Variants in RIMBP2 observed in about 807,000 individuals in gnomAD.
RIMBP2 encodes RIMS-binding protein 2.
A neutral mutation model predicts 118.6 loss-of-function variants in RIMBP2; 48 were observed. The observed-to-expected ratio is 0.40, with a 90% CI of 0.32 to 0.51. RIMBP2 has a LOEUF of 0.51. RIMBP2 is among the 20% of genes least tolerant of loss of function. The pLI, the probability that RIMBP2 is intolerant of heterozygous loss-of-function variation, is 0.41. For synonymous variants in RIMBP2, 762 were observed against 742.9 expected (o/e 1.03, Z -0.42); for missense variants, 1,551 against 1,768.3 (o/e 0.88, Z 2.20).
Position 130,442,506 on chromosome 12 carries a change from C to T in RIMBP2, c.846G>A (p.Leu282=), listed in dbSNP as rs1420931114. The change falls in exon 11 of 23, where the codon CTG becomes CTA. Residue 282 remains leucine, a synonymous_variant. Transcript: ENST00000690449. The surrounding 1 kb of genome is among the most constrained non-coding windows in gnomAD (Gnocchi z 6.9). ...CTATGTGGGTTGGGGAGTGGAGGTC[C>T]AGGATGTGCTCTCCCTCCAGGCCGA... ...SGIGLEGEHI[L]DLHSPTHIDA... The T allele has an allele frequency of 6.2e-7, 1 of 1,614,022 alleles. No homozygotes were observed. The highest frequency in any genetic ancestry group is 8.5e-7 in the Non-Finnish European group (1 of 1,180,026).
intron 15 of RIMBP2, chr12:130,427,949 A>G (rs2076904983): frequency 2.4e-6 from 1 of 420,184 alleles, no homozygotes; most frequent in Non-Finnish European, 4.1e-6. Context: ...AGGGTGCCAA[A>G]TAGATTCCTC....
intron 2 of RIMBP2, among the ~76,000 whole-genome samples, chr12:130,532,979 G>A (rs886963949): frequency 2.1e-5 from 3 of 143,326 alleles, no homozygotes; most frequent in Non-Finnish European, 3.1e-5. Flanking sequence ...TAGGAGTTAC[G>A]TCTAATGAGA....
At chr12:130,695,715 A>G (rs2065533438) in intron 1 of RIMBP2, among the ~76,000 whole-genome samples, 1 of 152,146 alleles carries the variant, frequency 6.6e-6, no homozygotes. Flanking sequence ...ATTGATCAAT[A>G]AGACTAGAGG....
intron 6 of RIMBP2, chr12:130,465,714 A>C (rs1402107735): frequency 1.3e-5 from 2 of 152,164 alleles, no homozygotes; most frequent in South Asian, 2.1e-4. Flanking sequence ...CCTGGGGTAA[A>C]GCGACTTCCT....
chr12:130,609,106 G>T (rs908856156), intron 2 of RIMBP2, among the ~76,000 whole-genome samples: 2 of 152,114 alleles, frequency 1.3e-5, no homozygotes, highest in East Asian at 1.9e-4. Flanking sequence ...CTGTATGGAG[G>T]TTCCTCAAAA....
chr12:130,616,808 T>C (rs866529142), intron 2 of RIMBP2, among the ~76,000 whole-genome samples: 2 of 152,176 alleles, frequency 1.3e-5, no homozygotes, highest in Non-Finnish European at 1.5e-5. Context: ...AGCAAAGAGT[T>C]TGGCCAGCAC....
intron 1 of RIMBP2, among the ~76,000 whole-genome samples, chr12:130,686,729 G>A (rs996281225): frequency 6.6e-6 from 1 of 152,208 alleles, no homozygotes; most frequent in Non-Finnish European, 1.5e-5. Context: ...CAACTCCCTC[G>A]ACAGGCGTGA....
At chr12:130,633,814 G>C (rs1417460777) in intron 1 of RIMBP2, 2 of 152,228 alleles carry the variant, frequency 1.3e-5, no homozygotes, top group African/African-American at 4.8e-5. Flanking sequence ...CAAGGCACCG[G>C]AGATTAGTGG....
At chr12:130,549,772 G>C (rs1001799665) in intron 2 of RIMBP2, among the ~76,000 whole-genome samples, 1 of 152,108 alleles carries the variant, frequency 6.6e-6, no homozygotes, top group African/African-American at 2.4e-5. Context: ...TGGGTACTTG[G>C]GTTGATTCCA....
At position 130,434,635 on chromosome 12, in the gene RIMBP2, A is replaced by G; in HGVS notation, c.2253+99T>C. On this transcript the variant is annotated intron_variant, in intron 14 of 22. Transcript: ENST00000690449. The surrounding 1 kb of genome is among the most constrained non-coding windows in gnomAD (Gnocchi z 5.7). ...CGTCTCCATCTCTCTCAGGGACCCA[A>G]GGGTAGCGGGGAAAGTGCCCATGTC... The G allele has an allele frequency of 4.5e-6, 6 of 1,326,396 alleles. No homozygotes were observed. The highest frequency in any genetic ancestry group is 1.5e-5 in the African/African-American group (1 of 67,204). 82.2% of individuals were successfully genotyped at this position (1,326,396 alleles called of 1,614,324 possible).
At chr12:130,417,616 C>T (rs58171601) in intron 17 of RIMBP2, among the ~76,000 whole-genome samples, 12,712 of 152,234 alleles carry the variant, frequency 0.084, 740 homozygotes, top group South Asian at 0.2. Context: ...AAACTCCTGA[C>T]GGGGCGCTAT....
At chr12:130,472,651 A>G (rs1205268755) in intron 5 of RIMBP2, among the ~76,000 whole-genome samples, 1 of 152,222 alleles carries the variant, frequency 6.6e-6, no homozygotes, top group Non-Finnish European at 1.5e-5. Context: ...GCAAGTGAAC[A>G]TTATCTTAAC....
At chr12:130,457,449 T>C (rs1433843868) in intron 6 of RIMBP2, among the ~76,000 whole-genome samples, 1 of 152,156 alleles carries the variant, frequency 6.6e-6, no homozygotes, top group Admixed American at 6.5e-5. Flanking sequence ...CTCTGACCCT[T>C]GTGGGCTTCC....
intron 1 of RIMBP2, among the ~76,000 whole-genome samples, chr12:130,694,247 C>T (rs2065469143): frequency 1.3e-5 from 2 of 152,282 alleles, no homozygotes; most frequent in East Asian, 1.9e-4. Flanking sequence ...AGGCCACTGC[C>T]CTCAACCAGG....
At chr12:130,521,418 A>G (rs984049299) in intron 2 of RIMBP2, among the ~76,000 whole-genome samples, 1 of 152,172 alleles carries the variant, frequency 6.6e-6, no homozygotes, top group Admixed American at 6.5e-5. Context: ...AGGAGGAGGA[A>G]GAGGAGGATT....
chr12:130,468,406 A>G (rs11060914), intron 6 of RIMBP2, among the ~76,000 whole-genome samples: 3,180 of 152,240 alleles, frequency 0.021, 90 homozygotes, highest in East Asian at 0.16. Context: ...CTGAGAAGCC[A>G]CTTTGCTCAC....
At chr12:130,664,402 C>CGCAT (rs2063792639) in intron 1 of RIMBP2, among the ~76,000 whole-genome samples, 3 of 86,292 alleles carry the variant, frequency 3.5e-5, no homozygotes, top group Non-Finnish European at 8.5e-5. Flanking sequence ...CACACACGCA[C>CGCAT]GCACGCACGC....
intron 19 of RIMBP2, among the ~76,000 whole-genome samples, chr12:130,410,135 G>A (rs1263755678): frequency 6.6e-6 from 1 of 152,210 alleles, no homozygotes; most frequent in Non-Finnish European, 1.5e-5. Context: ...GTGTTTCACT[G>A]ATGATGTTAA....
At chr12:130,691,648 A>G (rs1464910614) in intron 1 of RIMBP2, among the ~76,000 whole-genome samples, 2 of 152,286 alleles carry the variant, frequency 1.3e-5, no homozygotes, top group East Asian at 3.9e-4. Flanking sequence ...TCCAGCCTGG[A>G]CAAAAGAGCA....
Sources: gnomAD v4.1 joint callset for allele counts (sites outside exome capture counted in the v4.1 genomes callset) on GRCh38, gnomAD v4.1.1 for gene constraint, Gnocchi (gnomAD v3.1) non-coding constraint, MANE v1.5 for transcripts, NCBI Gene and HGNC (gene_info 2026-07-23, HGNC 2026-07-21) for gene names.